MYOM3: variants seen among roughly 807,000 people sequenced by gnomAD.
The protein encoded by MYOM3 is myomesin 3.
Under a neutral mutation model 191.7 loss-of-function variants are expected in MYOM3, and 155 were observed. The ratio of observed to expected loss-of-function variants is 0.81; its 90% CI spans 0.71 to 0.92. The LOEUF is 0.92. Ranked by LOEUF, MYOM3 falls within the 40% of genes least tolerant of loss-of-function variation. MYOM3 has a pLI of 0.00. For missense variants in MYOM3, 1,889 were observed against 1,890.6 expected, an observed-to-expected ratio of 1.00 and a Z score of 0.02; for synonymous variants, 757 against 762.9, an observed-to-expected ratio of 0.99 and a Z score of 0.13.
chr1:24,096,000 G>A (rs1643876609), intron 7 of MYOM3, among the ~76,000 whole-genome samples: 1 of 152,096 alleles, frequency 6.6e-6, no homozygotes, highest in Non-Finnish European at 1.5e-5. Context: ...AGGATTGAAC[G>A]AGCCAATTAA....
At position 24,099,545 on chromosome 1, in the gene MYOM3, T is replaced by A. The variant is rs1016314500; in HGVS notation, c.656+135A>T. On this transcript the variant is annotated intron_variant, in intron 6 of 36. Coordinates refer to ENST00000374434, the MANE Select transcript of MYOM3 (RefSeq NM_152372.4). ...GTCTGTCCTGTCCCAGGAATCGGTA[T>A]TTTGACCAGCACCCTAGAGACTTCT... is the stretch of plus-strand genomic sequence containing the variant. 14 of 665,630 alleles carry A rather than the reference T, an allele frequency of 2.1e-5. No individual in the cohort carries two copies. In the African/African-American group the frequency reaches 2.2e-4, roughly 10 times the overall value. The allele number at this position is 665,630 out of a possible 1,614,324, so 41.2% of individuals were successfully genotyped here.
At chr1:24,078,395 G>A (rs1643627438) in intron 20 of MYOM3, among the ~76,000 whole-genome samples, 1 of 152,168 alleles carries the variant, frequency 6.6e-6, no homozygotes, top group Non-Finnish European at 1.5e-5. Context: ...GGGATTACAG[G>A]CATGAGACCC....
In MYOM3 at chr1:24,074,276, G is replaced by A. The variant is rs1184610780; in HGVS notation, c.2859-7C>T. 1.9e-6 allele frequency: 3 copies of A among 1,608,224 alleles called. No individual in the cohort carries two copies. Among genetic ancestry groups the A allele is most frequent in the Non-Finnish European group, 1.7e-6 (2 of 1,174,788 alleles). ...TTTCAGGATGACCTTGGACCTGGCA[G>A]AGAGAGGAGAGCAGAGGCTCTGGGA... On this transcript the variant is annotated splice_polypyrimidine_tract_variant and splice_region_variant and intron_variant, in intron 22 of 36. Transcript: ENST00000374434.
In MYOM3 at chr1:24,111,009, G is replaced by A. The variant is rs894589636; in HGVS notation, c.-19+1022C>T. Among the ~76,000 whole-genome samples, 28 of 152,224 alleles carry A rather than the reference G, an allele frequency of 1.8e-4. No homozygotes were observed. The highest frequency in any genetic ancestry group is 6.8e-4 in the African/African-American group (28 of 41,468). On this transcript the variant is annotated intron_variant, in intron 1 of 36. Transcript: ENST00000374434. The surrounding 1 kb of genome is among the most constrained non-coding windows in gnomAD (Gnocchi z 4.7). Reference sequence around the variant, plus strand: ...TTAGCACAGCAGGCAGGGGCCTGGCGCTCGTCCCTGACCTCGGGGCCTCCA... The same window carrying A: ...TTAGCACAGCAGGCAGGGGCCTGGCACTCGTCCCTGACCTCGGGGCCTCCA...
At chr1:24,092,040 C>T in intron 11 of MYOM3, 134 bp downstream of exon 11, 3 of 819,730 alleles carry the variant, frequency 3.7e-6, no homozygotes, top group Non-Finnish European at 5.2e-6. Context: ...CACAGCCTGT[C>T]TCCTGTCCTT....
At chr1:24,093,143 G>A in intron 9 of MYOM3, 35 bp from the exon 10 acceptor site, 1 of 1,548,732 alleles carries the variant, frequency 6.5e-7, no homozygotes, top group African/African-American at 1.4e-5. Context: ...TTGAGTTTGT[G>A]GGGGGTCCTG....
chr1:24,065,862 G>C (rs773122083), intron 29 of MYOM3, 29 bp downstream of exon 29: 2 of 1,511,242 alleles, frequency 1.3e-6, no homozygotes, highest in Non-Finnish European at 1.8e-6. Flanking sequence ...AAAGGAGAAA[G>C]TGAGCCCTGA....
chr1:24,085,280 A>AGATGGATGGATGGATG (rs55900087), intron 15 of MYOM3, among the ~76,000 whole-genome samples: 2 of 137,594 alleles, frequency 1.5e-5, no homozygotes, highest in South Asian at 2.5e-4. Flanking sequence ...ATGGATGGAT[A>AGATGGATGGATGGATG]GATGGATGGA....
In MYOM3 at chr1:24,094,996, G is replaced by T. The variant is rs202125809; in HGVS notation, c.791-6C>A. ...GCTGGGGCCAAACGTCGATCCTGGC[G>T]TGGGAATGAAATTTGGGGCAGAAGT... On this transcript the variant is annotated splice_polypyrimidine_tract_variant and splice_region_variant and intron_variant, in intron 8 of 36. Transcript: ENST00000374434. 6.2e-7 allele frequency: 1 copy of T among 1,610,872 alleles called. No individual in the cohort carries two copies. Among genetic ancestry groups the T allele is most frequent in the Non-Finnish European group, 8.5e-7 (1 of 1,178,508 alleles).
chr1:24,104,052 C>T (rs765392738), intron 5 of MYOM3, among the ~76,000 whole-genome samples: 3 of 152,202 alleles, frequency 2.0e-5, no homozygotes, highest in Admixed American at 6.5e-5. Context: ...AATCCTGACT[C>T]ACATTGGCTG....
In MYOM3 at chr1:24,064,237, G is replaced by A. The variant is rs1570852059; in HGVS notation, c.3535-78C>T. 6.2e-6 allele frequency: 7 copies of A among 1,132,838 alleles called. No homozygotes were observed. The South Asian group carries it at 7.9e-5, about 13-fold the overall frequency. The allele number at this position is 1,132,838 out of a possible 1,614,324, so 70.2% of individuals were successfully genotyped here. A position where few individuals can be genotyped will look rare whatever the true frequency, so the allele number is the denominator to read the frequency against. ...ATGGATACCAAATCCGGAGGCCTGG[G>A]CTCCAGGCCTGCCCCTCACTCTCTG... On this transcript the variant is annotated intron_variant, in intron 29 of 36. Transcript: ENST00000374434.
At chr1:24,096,543 T>C (rs1397257445) in intron 7 of MYOM3, among the ~76,000 whole-genome samples, 1 of 152,192 alleles carries the variant, frequency 6.6e-6, no homozygotes, top group Admixed American at 6.5e-5. Flanking sequence ...GCACAAGAGC[T>C]TGGCCTGGCA....
intron 35 of MYOM3, among the ~76,000 whole-genome samples, chr1:24,059,855 G>A (rs1011332830): frequency 7.2e-5 from 11 of 152,246 alleles, no homozygotes; most frequent in Non-Finnish European, 1.0e-4. Context: ...TGGTCAGCAC[G>A]GCCTAGACCA....
At chr1:24,059,032 C>G in intron 35 of MYOM3, 53 bp from the exon 36 acceptor site, 1 of 1,356,682 alleles carries the variant, frequency 7.4e-7, no homozygotes, top group Non-Finnish European at 1.0e-6. Context: ...CCAGCCGCTT[C>G]CCAGAAGTTT....
chr1:24,062,622 C>T (rs1643384239), intron 32 of MYOM3, among the ~76,000 whole-genome samples: 1 of 152,162 alleles, frequency 6.6e-6, no homozygotes, highest in African/African-American at 2.4e-5. Context: ...GTGGGTACCT[C>T]ATCTATCCTG....
At chr1:24,098,680 C>T (rs891898791) in intron 6 of MYOM3, among the ~76,000 whole-genome samples, 8 of 152,340 alleles carry the variant, frequency 5.3e-5, no homozygotes, top group African/African-American at 1.7e-4. Context: ...CTTCCAGGGC[C>T]AGTCCTGCCT....
chr1:24,093,964 C>T (rs1323996263), intron 9 of MYOM3, among the ~76,000 whole-genome samples: 1 of 152,136 alleles, frequency 6.6e-6, no homozygotes, highest in Non-Finnish European at 1.5e-5. Context: ...GTCTTCCTGC[C>T]TTGGCTCTGA....
chr1:24,058,123 C>T (rs1449010281), intron 36 of MYOM3, among the ~76,000 whole-genome samples: 2 of 152,152 alleles, frequency 1.3e-5, no homozygotes, highest in Admixed American at 6.5e-5. Flanking sequence ...AACCTTTCTA[C>T]AGGAATACTT....
At chr1:24,066,243 C>A (rs988187715) in intron 28 of MYOM3, 15 of 716,060 alleles carry the variant, frequency 2.1e-5, no homozygotes, top group Non-Finnish European at 3.6e-5. Flanking sequence ...TCCAGGAAGC[C>A]TTTTTTTTGA....
Sources: allele counts gnomAD v4.1 joint callset (sites outside exome capture counted in the v4.1 genomes callset), GRCh38; gene constraint gnomAD v4.1.1; non-coding constraint Gnocchi (gnomAD v3.1); transcripts MANE v1.5; gene names NCBI Gene and HGNC (gene_info 2026-07-23, HGNC 2026-07-21).